PIK3R3: variants seen among roughly 807,000 people sequenced by gnomAD.
PIK3R3 encodes phosphoinositide-3-kinase regulatory subunit 3.
In PIK3R3, 64 loss-of-function variants were observed where a neutral mutation model predicts 62.9. That is an observed-to-expected ratio of 1.02 (90% CI 0.83 to 1.25). PIK3R3 has a LOEUF of 1.25. Ranked by LOEUF, PIK3R3 falls within the 50% of genes most tolerant of loss-of-function variation. The pLI is 0.00. For synonymous variants in PIK3R3, 165 were observed against 189.0 expected, an observed-to-expected ratio of 0.87 and a Z score of 1.04; for missense variants, 614 against 561.6, an observed-to-expected ratio of 1.09 and a Z score of -0.94.
Position 46,067,102 on chromosome 1 carries a change from C to T in PIK3R3, c.315-11G>A, listed in dbSNP as rs371970425. On this transcript the variant is annotated splice_polypyrimidine_tract_variant and intron_variant, in intron 3 of 9. Transcript: ENST00000262741. ...TTATTGCCTCCCTTCCTGTGAACAA[C>T]AAGACAACAACTGTGGATTTTTTTC... 6.5e-7 allele frequency: 1 copy of T among 1,533,642 alleles called. No homozygotes were observed. The highest frequency in any genetic ancestry group is 1.4e-5 in the African/African-American group (1 of 71,134).
chr1:46,082,825 G>A (rs1275824340), intron 1 of PIK3R3, among the ~76,000 whole-genome samples: 1 of 152,158 alleles, frequency 6.6e-6, no homozygotes, highest in Admixed American at 6.5e-5. Context: ...AGCACTTTGA[G>A]AGGTGGAGGC....
chr1:46,095,323 C>A (rs1423046327), intron 1 of PIK3R3, among the ~76,000 whole-genome samples: 1 of 151,886 alleles, frequency 6.6e-6, no homozygotes, highest in African/African-American at 2.4e-5. Flanking sequence ...AGATAATGTC[C>A]TTTGCAGGGA....
At chr1:46,116,501 G>A (rs1379734016) in intron 1 of PIK3R3, among the ~76,000 whole-genome samples, 1 of 152,012 alleles carries the variant, frequency 6.6e-6, no homozygotes, top group Non-Finnish European at 1.5e-5. Context: ...TTGGGTGACA[G>A]AGTTAAAGCC....
chr1:46,072,132 T>C (rs924691854), intron 3 of PIK3R3, among the ~76,000 whole-genome samples: 2 of 152,206 alleles, frequency 1.3e-5, no homozygotes, highest in African/African-American at 4.8e-5. Flanking sequence ...GATATCTCTT[T>C]TCCTCCTTTC....
intron 3 of PIK3R3, among the ~76,000 whole-genome samples, chr1:46,070,830 C>A (rs1331343161): frequency 6.6e-6 from 1 of 152,190 alleles, no homozygotes; most frequent in African/African-American, 2.4e-5. Flanking sequence ...AGGAAAGGAA[C>A]TGAAGGTCAT....
the PIK3R3 span, among the ~76,000 whole-genome samples, chr1:46,161,814 C>T: frequency 4.9e-3 from 749 of 152,282 alleles, 11 homozygotes; most frequent in Non-Finnish European, 3.5e-3. Flanking sequence ...TTCTTCAGGC[C>T]AGGCACGGTG....
At chr1:46,126,742 C>T (rs785498) in intron 1 of PIK3R3, among the ~76,000 whole-genome samples, 100,977 of 150,614 alleles carry the variant, frequency 0.67, 34,022 homozygotes, top group Non-Finnish European at 0.7. Context: ...TCAAGGCCAG[C>T]CTGGGGCAAC....
Position 46,122,986 on chromosome 1 carries a change from C to G in PIK3R3, c.106+8861G>C, listed in dbSNP as rs575018851. Among the ~76,000 whole-genome samples, 7 of 151,948 alleles carry G rather than the reference C, an allele frequency of 4.6e-5. No individual in the cohort carries two copies. In the East Asian group the frequency reaches 1.2e-3, roughly 25 times the overall value. On this transcript the variant is annotated intron_variant, in intron 1 of 9. Coordinates refer to ENST00000262741, the MANE Select transcript of PIK3R3 (RefSeq NM_003629.4). ...ACTGTAGTCCCAGTTACTCAGGAGGCTAAGGTGGGAGGATCACCTGAGCCC... is the reference window on the plus strand; with the variant it reads ...ACTGTAGTCCCAGTTACTCAGGAGGGTAAGGTGGGAGGATCACCTGAGCCC...
intron 7 of PIK3R3, among the ~76,000 whole-genome samples, chr1:46,047,696 G>A (rs1294057744): frequency 6.6e-6 from 1 of 152,146 alleles, no homozygotes; most frequent in Non-Finnish European, 1.5e-5. Flanking sequence ...GCAGTCCCCA[G>A]TCACTCTCTA....
intron 1 of PIK3R3, among the ~76,000 whole-genome samples, chr1:46,109,768 T>C (rs1220622332): frequency 2.0e-5 from 3 of 152,074 alleles, no homozygotes; most frequent in Non-Finnish European, 4.4e-5. Flanking sequence ...AGGCGTGAGC[T>C]ACCACGCCCG....
chr1:46,090,141 A>C (rs987857670), intron 1 of PIK3R3, among the ~76,000 whole-genome samples: 1 of 152,144 alleles, frequency 6.6e-6, no homozygotes, highest in Non-Finnish European at 1.5e-5. Context: ...GATAAAAATA[A>C]AAAGAAACCT....
At chr1:46,131,816 A>G (rs547593897) in intron 1 of PIK3R3, 31 bp downstream of exon 1, 1 of 1,594,140 alleles carries the variant, frequency 6.3e-7, no homozygotes, top group Non-Finnish European at 8.6e-7. Flanking sequence ...CAGACCCATC[A>G]CGAGATTCTT....
At chr1:46,129,853 T>C (rs1655424350) in intron 1 of PIK3R3, among the ~76,000 whole-genome samples, 1 of 152,116 alleles carries the variant, frequency 6.6e-6, no homozygotes, top group South Asian at 2.1e-4. Flanking sequence ...ACAAAAGGGG[T>C]AATAAAGAAC....
upstream of PIK3R3, among the ~76,000 whole-genome samples, chr1:46,133,335 G>A (rs1261410812): frequency 2.0e-5 from 3 of 152,238 alleles, no homozygotes; most frequent in East Asian, 5.8e-4. Context: ...TGGTCCGCCC[G>A]GACGAGTAAG....
At chr1:46,060,841 G>A (rs1439800548) in intron 6 of PIK3R3, among the ~76,000 whole-genome samples, 2 of 152,172 alleles carry the variant, frequency 1.3e-5, no homozygotes, top group East Asian at 1.9e-4. Flanking sequence ...GTCCTAATAT[G>A]AGAAATAATT....
upstream of PIK3R3, among the ~76,000 whole-genome samples, chr1:46,137,384 A>G (rs1443654606): frequency 1.3e-5 from 2 of 152,216 alleles, no homozygotes; most frequent in South Asian, 2.1e-4. Flanking sequence ...AGCCCCAAAA[A>G]CAGTGCTGAT....
At chr1:46,129,418 T>G (rs1400550550) in intron 1 of PIK3R3, among the ~76,000 whole-genome samples, 351 of 151,656 alleles carry the variant, frequency 2.3e-3, no homozygotes, top group Non-Finnish European at 3.3e-3. Context: ...TATTTATTTA[T>G]TTATTTATTT....
the PIK3R3 span, among the ~76,000 whole-genome samples, chr1:46,158,450 C>T: frequency 3.3e-5 from 5 of 152,230 alleles, no homozygotes; most frequent in East Asian, 1.9e-4. Context: ...AGAGGTCAGT[C>T]CAAGTGCCAC....
rs774759772 is a variant in PIK3R3 at position 46,045,961 on chromosome 1, T to C, written c.1144A>G (p.Ile382Val). The C allele has an allele frequency of 1.9e-5, 30 of 1,613,754 alleles. No homozygotes were observed. The highest frequency in any genetic ancestry group is 2.5e-5 in the Non-Finnish European group (30 of 1,179,850). ...CATCCTTTCTTGCTACTCTCACGAA[T>C]TAAGAATGCACCATCAGGTTTCCCA... Reference protein sequence around the residue: ...LYGKPDGAFLIRESSKKGCYA... With the variant: ...LYGKPDGAFLVRESSKKGCYA... The change falls in exon 9 of 10, where the codon ATT becomes GTT. Residue 382 changes from isoleucine to valine, a missense_variant. Transcript: ENST00000262741.
Sources: gnomAD v4.1 joint callset for allele counts (sites outside exome capture counted in the v4.1 genomes callset) on GRCh38, gnomAD v4.1.1 for gene constraint, MANE v1.5 for transcripts, NCBI Gene and HGNC (gene_info 2026-07-23, HGNC 2026-07-21) for gene names.